The following PABPC1L variants were observed in gnomAD, a reference collection of about 807,000 sequenced individuals.
PABPC1L encodes poly(A) binding protein cytoplasmic 1 like.
Under a neutral mutation model 66.6 loss-of-function variants are expected in PABPC1L, and 31 were observed. The ratio of observed to expected loss-of-function variants is 0.47; its 90% CI spans 0.35 to 0.63. The LOEUF is 0.63. PABPC1L is among the 20% of genes least tolerant of loss of function. The pLI is 0.00. For synonymous variants in PABPC1L, 348 were observed against 335.1 expected (o/e 1.04, Z -0.42); for missense variants, 722 against 848.8 (o/e 0.85, Z 1.86).
intron 7 of PABPC1L, among the ~76,000 whole-genome samples, chr20:44,929,720 G>A (rs1007780832): frequency 9.9e-5 from 15 of 151,700 alleles, no homozygotes; most frequent in Admixed American, 5.9e-4. Context: ...GCTTGAACCC[G>A]GGAGGCTGAG....
At chr20:44,938,801 T>C (rs6073572) in intron 14 of PABPC1L, 53 bp downstream of exon 14, 602,400 of 1,538,802 alleles carry the variant, frequency 0.39, 121,595 homozygotes, top group Admixed American at 0.57. Context: ...TGTAAGGAAA[T>C]AGGCAGGGAC....
At chr20:44,915,506 A>G (rs1384859138) in intron 2 of PABPC1L, among the ~76,000 whole-genome samples, 2 of 152,070 alleles carry the variant, frequency 1.3e-5, no homozygotes, top group Middle Eastern at 3.2e-3. Context: ...TGCATCTTTA[A>G]AAAAATTGAG....
intron 13 of PABPC1L, 130 bp downstream of exon 13, chr20:44,938,321 G>A: frequency 1.6e-6 from 2 of 1,261,440 alleles, no homozygotes; most frequent in South Asian, 1.6e-5. Flanking sequence ...ATACCTGAAG[G>A]CCTGCTGAAT....
chr20:44,926,713 A>T (rs1208754149), intron 7 of PABPC1L, among the ~76,000 whole-genome samples: 1 of 151,530 alleles, frequency 6.6e-6, no homozygotes, highest in Non-Finnish European at 1.5e-5. Flanking sequence ...AGCCCTACTA[A>T]TGTTTGTATT....
intron 3 of PABPC1L, 113 bp from the exon 4 acceptor site, chr20:44,918,793 T>C (rs2066753310): frequency 7.6e-7 from 1 of 1,324,384 alleles, no homozygotes; most frequent in African/African-American, 1.5e-5. Flanking sequence ...CCCAGTTTCC[T>C]GATGAGGGAT....
At chr20:44,928,969 T>TA (rs1448655312) in intron 7 of PABPC1L, among the ~76,000 whole-genome samples, 1 of 149,302 alleles carries the variant, frequency 6.7e-6, no homozygotes, top group Admixed American at 6.7e-5. Context: ...GTCTTCACCC[T>TA]AAAAAAAGGT....
At chr20:44,939,000 C>G (rs2066923000) in intron 14 of PABPC1L, 126 bp from the exon 15 acceptor site, 4 of 683,448 alleles carry the variant, frequency 5.9e-6, no homozygotes, top group Non-Finnish European at 1.1e-5. Flanking sequence ...TTTGGGCTTT[C>G]CCAGGGCCCT....
intron 5 of PABPC1L, among the ~76,000 whole-genome samples, chr20:44,921,213 G>A (rs1051735719): frequency 1.6e-4 from 24 of 149,008 alleles, no homozygotes; most frequent in Non-Finnish European, 3.1e-4. Flanking sequence ...GCAATGGCGT[G>A]ATCTCAGCTC....
At position 44,910,143 on chromosome 20, in the gene PABPC1L, C is replaced by T; in HGVS notation, c.-1C>T. 1.3e-6 allele frequency: 2 copies of T among 1,559,618 alleles called. No homozygotes were observed. Among genetic ancestry groups the T allele is most frequent in the Non-Finnish European group, 1.7e-6 (2 of 1,152,348 alleles). On this transcript the variant is annotated 5_prime_UTR_variant, in exon 1 of 15. Coordinates refer to ENST00000217073, the MANE Select transcript of PABPC1L (RefSeq NM_001372179.1). ...CCCGCAGCCCCGGCCCCCTGCCCAC[C>T]ATGAACGCCAGCGGTTCTGGCTACC...
chr20:44,910,354 G>T lies in PABPC1L; in HGVS notation c.193+18G>T. ...CGCGGACGGTGAGCCCCGGGGATGG[G>T]GCGGGAGGGGAAGGACCGACGGACA... is the stretch of plus-strand genomic sequence containing the variant. On this transcript the variant is annotated intron_variant, in intron 1 of 14. Coordinates refer to ENST00000217073, the MANE Select transcript of PABPC1L (RefSeq NM_001372179.1). The T allele has an allele frequency of 6.8e-7, 1 of 1,481,218 alleles. No individual in the cohort carries two copies. 91.8% of individuals were successfully genotyped at this position (1,481,218 alleles called of 1,614,324 possible).
chr20:44,917,530 A>C (rs1262679403), intron 3 of PABPC1L, among the ~76,000 whole-genome samples: 2 of 152,012 alleles, frequency 1.3e-5, no homozygotes, highest in Admixed American at 1.3e-4. Flanking sequence ...TTTGTGTTTC[A>C]TGAGATTTTG....
At chr20:44,910,477 G>C (rs1449746635) in intron 1 of PABPC1L, 141 bp downstream of exon 1, 1 of 971,612 alleles carries the variant, frequency 1.0e-6, no homozygotes, top group Non-Finnish European at 1.5e-6. Flanking sequence ...CAGGGCGTTG[G>C]CAGAGGCCTG....
chr20:44,926,460 A>G (rs1328200207), intron 7 of PABPC1L, among the ~76,000 whole-genome samples: 1 of 151,664 alleles, frequency 6.6e-6, no homozygotes, highest in African/African-American at 2.4e-5. Flanking sequence ...CTCCTGACCT[A>G]GTAATCCGCC....
intron 12 of PABPC1L, chr20:44,937,302 G>A (rs2066908904): frequency 7.3e-6 from 2 of 273,724 alleles, no homozygotes; most frequent in South Asian, 3.4e-5. Context: ...GTTCTTTACT[G>A]CATGGCCCCC....
chr20:44,928,887 A>AAAAAAAAAAAAAG (rs2066830304), intron 7 of PABPC1L, among the ~76,000 whole-genome samples: 1 of 135,050 alleles, frequency 7.4e-6, no homozygotes, highest in African/African-American at 2.7e-5. Flanking sequence ...AAAAAAAAAG[A>AAAAAAAAAAAAAG]AAAAAAAAAA....
chr20:44,914,113 A>G (rs2066722516), intron 2 of PABPC1L, among the ~76,000 whole-genome samples: 2 of 151,748 alleles, frequency 1.3e-5, no homozygotes, highest in African/African-American at 2.4e-5. Flanking sequence ...TCTAGATTTT[A>G]TAAGGATAGT....
intron 7 of PABPC1L, 73 bp downstream of exon 7, chr20:44,924,329 C>A: frequency 2.5e-6 from 3 of 1,191,102 alleles, no homozygotes; most frequent in Non-Finnish European, 2.5e-6. Context: ...CACAACCCCA[C>A]CCCTCCACCC....
At chr20:44,910,863 A>G (rs1449349135) in intron 1 of PABPC1L, among the ~76,000 whole-genome samples, 1 of 152,196 alleles carries the variant, frequency 6.6e-6, no homozygotes, top group Non-Finnish European at 1.5e-5. Flanking sequence ...CTCTACCTGC[A>G]CGGGCTCTGA....
At chr20:44,924,880 A>T (rs1161503857) in intron 7 of PABPC1L, among the ~76,000 whole-genome samples, 1 of 151,212 alleles carries the variant, frequency 6.6e-6, no homozygotes, top group East Asian at 1.9e-4. Flanking sequence ...TAGAATGTGG[A>T]TCCCCGGGGT....
Sources: allele counts gnomAD v4.1 joint callset (sites outside exome capture counted in the v4.1 genomes callset), GRCh38; gene constraint gnomAD v4.1.1; transcripts MANE v1.5; gene names NCBI Gene and HGNC (gene_info 2026-07-23, HGNC 2026-07-21).